CYP4V2: variants seen among roughly 807,000 people sequenced by gnomAD.
CYP4V2 encodes the protein cytochrome P450 family 4 subfamily V member 2.
Under a neutral mutation model 60.8 loss-of-function variants are expected in CYP4V2, and 55 were observed. That is an observed-to-expected ratio of 0.90 (90% CI 0.73 to 1.13). The LOEUF is 1.13. CYP4V2 is among the 50% of genes most tolerant of loss of function. The pLI, the probability that CYP4V2 is intolerant of heterozygous loss-of-function variation, is 0.00. For synonymous variants in CYP4V2, 239 were observed against 236.8 expected (o/e 1.01, Z -0.08); for missense variants, 675 against 662.9 (o/e 1.02, Z -0.20).
intron 1 of CYP4V2, among the ~76,000 whole-genome samples, chr4:186,193,353 G>A (rs1385616130): frequency 6.6e-6 from 1 of 152,210 alleles, no homozygotes; most frequent in Non-Finnish European, 1.5e-5. Flanking sequence ...CAACCTGTGA[G>A]CTGACTGGAC....
intron 7 of CYP4V2, 83 bp downstream of exon 7, chr4:186,201,425 C>A: frequency 1.3e-6 from 2 of 1,483,302 alleles, no homozygotes; most frequent in Non-Finnish European, 1.9e-6. Flanking sequence ...TTAAAACAAT[C>A]AAATTTTAAA....
chr4:186,192,484 C>T, intron 1 of CYP4V2: 1 of 323,718 alleles, frequency 3.1e-6, no homozygotes, highest in Non-Finnish European at 6.1e-6. Flanking sequence ...GACGCTTCCT[C>T]CCGGCATCAC....
intron 8 of CYP4V2, among the ~76,000 whole-genome samples, chr4:186,207,533 TTATA>T (rs1255871330): frequency 2.0e-5 from 3 of 147,620 alleles, no homozygotes; most frequent in Non-Finnish European, 4.5e-5. Flanking sequence ...ATATTAAAAA[TTATA>T]TAATATATAA....
rs983227013 is a variant in CYP4V2 at position 186,191,723 on chromosome 4, C to T, written c.-101C>T. 2.6e-6 allele frequency: 3 copies of T among 1,148,966 alleles called. No individual in the cohort carries two copies. Among genetic ancestry groups the T allele is most frequent in the Non-Finnish European group, 3.3e-6 (3 of 900,860 alleles). The allele number at this position is 1,148,966 out of a possible 1,614,324, so 71.2% of individuals were successfully genotyped here. A position where few individuals can be genotyped will look rare whatever the true frequency, so the allele number is the denominator to read the frequency against. On this transcript the variant is annotated 5_prime_UTR_variant, in exon 1 of 11. Transcript: ENST00000378802. ...CCCGCAGCGGGGAGCGCGCCAGGTC[C>T]GCGCGGGGAAGTGGGCGGTGTGCGG...
At chr4:186,193,479 A>G (rs1315536502) in intron 1 of CYP4V2, among the ~76,000 whole-genome samples, 1 of 152,228 alleles carries the variant, frequency 6.6e-6, no homozygotes, top group Non-Finnish European at 1.5e-5. Flanking sequence ...CATCAGGAAA[A>G]CCACTGTTCA....
At chr4:186,194,754 G>A (rs904780354) in intron 2 of CYP4V2, 142 bp downstream of exon 2, 15 of 728,364 alleles carry the variant, frequency 2.1e-5, no homozygotes, top group Non-Finnish European at 3.0e-5. Flanking sequence ...CTATATAGGT[G>A]CAATTTAATG....
chr4:186,201,442 T>A, intron 7 of CYP4V2, 100 bp downstream of exon 7: 34 of 1,305,088 alleles, frequency 2.6e-5, no homozygotes, highest in Non-Finnish European at 3.6e-5. Flanking sequence ...TAAAGTAGTT[T>A]AACTAAAGAA....
chr4:186,204,338 C>CGGTGGAGCCGCTACGCTGGCGTAAGAGGT (rs1561435548), intron 7 of CYP4V2: 9 of 104,796 alleles, frequency 8.6e-5, no homozygotes, highest in African/African-American at 3.8e-4. Context: ...GCGTAAGAGG[C>CGGTGGAGCCGCTACGCTGGCGTAAGAGGT]GGCGGTGGAG....
At chr4:186,208,563 C>T (rs1736602226) in intron 8 of CYP4V2, among the ~76,000 whole-genome samples, 1 of 151,322 alleles carries the variant, frequency 6.6e-6, no homozygotes, top group South Asian at 2.1e-4. Flanking sequence ...GTACCTTGAT[C>T]CACATGTTCT....
In CYP4V2 at chr4:186,201,183, G is replaced by C. The variant is rs1197066845; in HGVS notation, c.828G>C (p.Met276Ile). The change falls in exon 7 of 11, where the codon ATG (methionine) becomes ATC (isoleucine). Residue 276 changes from methionine (M) to isoleucine (I), a missense_variant. Physicochemically the swap from Met to Ile is conservative, Grantham distance 10. Transcript: ENST00000378802. ...TCATCGCTGAACGGGCCAATGAAAT[G>C]AACGCCAATGAAGACTGTAGAGGTG... ...NSVIAERANE[M>I]NANEDCRGDG... is the part of the protein sequence containing the mutation. 5 of 1,614,028 alleles carry C rather than the reference G, an allele frequency of 3.1e-6. No individual in the cohort carries two copies. Among genetic ancestry groups the C allele is most frequent in the Non-Finnish European group, 3.4e-6 (4 of 1,180,040 alleles).
intron 7 of CYP4V2, chr4:186,204,215 G>A: frequency 5.5e-6 from 1 of 180,712 alleles, no homozygotes; most frequent in South Asian, 6.8e-5. Flanking sequence ...AGAGGTGGAG[G>A]TGGAGACGTT....
intron 1 of CYP4V2, among the ~76,000 whole-genome samples, chr4:186,193,847 A>G (rs1427723977): frequency 1.3e-5 from 2 of 152,118 alleles, no homozygotes; most frequent in Non-Finnish European, 2.9e-5. Context: ...CAGCCATTTC[A>G]CCTTGAAGAT....
In CYP4V2 at chr4:186,191,882, G is replaced by T. The variant is rs752069631; in HGVS notation, c.59G>T (p.Ser20Ile). 8 of 1,589,764 alleles carry T rather than the reference G, an allele frequency of 5.0e-6. No homozygotes were observed. The highest frequency in any genetic ancestry group is 6.8e-6 in the Non-Finnish European group (8 of 1,172,592). The change falls in exon 1 of 11, where the codon AGT (serine) becomes ATT (isoleucine). Residue 20 changes from serine to isoleucine, a missense_variant. Transcript: ENST00000378802. ...WQKLLLWGAASALSLAGASLV... is the reference protein window; with the variant it reads ...WQKLLLWGAAIALSLAGASLV... Reference sequence around the variant, plus strand: ...AAGCTGCTGCTGTGGGGCGCGGCGAGTGCCCTTTCCCTGGCCGGCGCCAGT... The same window carrying T: ...AAGCTGCTGCTGTGGGGCGCGGCGATTGCCCTTTCCCTGGCCGGCGCCAGT...
chr4:186,199,186 G>C, intron 6 of CYP4V2, 103 bp downstream of exon 6: 1 of 1,243,700 alleles, frequency 8.0e-7, no homozygotes, highest in Non-Finnish European at 1.1e-6. Context: ...GTGCATTCAC[G>C]ATGTTGTGCA....
At chr4:186,199,535 T>A (rs1023575881) in intron 6 of CYP4V2, among the ~76,000 whole-genome samples, 1 of 152,170 alleles carries the variant, frequency 6.6e-6, no homozygotes, top group African/African-American at 2.4e-5. Context: ...CAACATGTGA[T>A]ATGAGCTGTG....
chr4:186,212,228 G>A lies in CYP4V2; in HGVS notation c.*1587G>A, dbSNP rs1338643107. On this transcript the variant is annotated 3_prime_UTR_variant, in exon 11 of 11. Coordinates refer to ENST00000378802, the MANE Select transcript of CYP4V2 (RefSeq NM_207352.4). Reference sequence around the variant, plus strand: ...TTTATGGAACTCAGGGTGATGATCAGACGTGTCATTAGAACATGAGTCCTC... The same window carrying A: ...TTTATGGAACTCAGGGTGATGATCAAACGTGTCATTAGAACATGAGTCCTC... 1 of 152,140 alleles carries A rather than the reference G, an allele frequency of 6.6e-6. No homozygotes were observed. Among genetic ancestry groups the A allele is most frequent in the Non-Finnish European group, 1.5e-5 (1 of 68,018 alleles). The allele number at this position is 152,140 out of a possible 1,614,324, so 9.4% of individuals were successfully genotyped here.
chr4:186,197,244 T>C, intron 4 of CYP4V2, 114 bp downstream of exon 4: 1 of 1,305,664 alleles, frequency 7.7e-7, no homozygotes, highest in Non-Finnish European at 1.1e-6. Context: ...TGACGGGCTC[T>C]TCAGCGCGGT....
In CYP4V2 at chr4:186,196,105, T is replaced by C; in HGVS notation, c.413+17T>C. 6.3e-7 allele frequency: 1 copy of C among 1,596,306 alleles called. No homozygotes were observed. Among genetic ancestry groups the C allele is most frequent in the Non-Finnish European group, 8.6e-7 (1 of 1,163,786 alleles). On this transcript the variant is annotated intron_variant, in intron 3 of 10. Transcript: ENST00000378802. ...TCTTACAAGGTATGCCAGTGTACCT[T>C]TGTAAAGCTGTCTATAGAAATGGTT...
In CYP4V2 at chr4:186,210,695, C is replaced by G. The variant is rs756724730; in HGVS notation, c.*54C>G. 5 of 1,605,584 alleles carry G rather than the reference C, an allele frequency of 3.1e-6. No homozygotes were observed. The highest frequency in any genetic ancestry group is 1.3e-5 in the African/African-American group (1 of 74,794). ...GAGAAAGGTCTTTATTTTAAGAGATCCTTGTCATTTACAATTTACAGATCA... is the reference window on the plus strand; with the variant it reads ...GAGAAAGGTCTTTATTTTAAGAGATGCTTGTCATTTACAATTTACAGATCA... On this transcript the variant is annotated 3_prime_UTR_variant, in exon 11 of 11. Transcript: ENST00000378802.
Sources: allele counts gnomAD v4.1 joint callset (sites outside exome capture counted in the v4.1 genomes callset), GRCh38; gene constraint gnomAD v4.1.1; transcripts MANE v1.5; gene names NCBI Gene and HGNC (gene_info 2026-07-23, HGNC 2026-07-21).